PHACTR1: variants seen among roughly 807,000 people sequenced by gnomAD.
PHACTR1 encodes RPEL repeat containing 1.
In PHACTR1, 16 loss-of-function variants were observed where a neutral mutation model predicts 69.2. That is an observed-to-expected ratio of 0.23 (90% CI 0.16 to 0.35). The LOEUF is 0.35. Among genes scored for constraint, PHACTR1 ranks in the 10% least tolerant of loss-of-function variants. The probability of loss-of-function intolerance (pLI) is 1.00; values close to 1 mark genes in which losing one functional copy is unlikely to be tolerated. For synonymous variants in PHACTR1, 312 were observed against 284.5 expected, an observed-to-expected ratio of 1.10 and a Z score of -0.97; for missense variants, 510 against 734.7, an observed-to-expected ratio of 0.69 and a Z score of 3.54.
At chr6:13,098,823 T>C (rs971727925) in intron 5 of PHACTR1, among the ~76,000 whole-genome samples, 10 of 152,204 alleles carry the variant, frequency 6.6e-5, no homozygotes, top group African/African-American at 9.6e-5. Flanking sequence ...TCCTAGGCTA[T>C]CCAATAAGAT....
At chr6:12,962,103 T>G (rs375548756) in intron 4 of PHACTR1, among the ~76,000 whole-genome samples, 2 of 152,058 alleles carry the variant, frequency 1.3e-5, no homozygotes, top group East Asian at 1.9e-4. Context: ...AATTTCTTTA[T>G]TTTTTAATTT....
intron 6 of PHACTR1, among the ~76,000 whole-genome samples, chr6:13,180,298 C>T (rs1363419450): frequency 6.6e-6 from 1 of 152,118 alleles, no homozygotes; most frequent in Admixed American, 6.5e-5. Flanking sequence ...CAGTGGAGTT[C>T]CCAAGCTTAT....
chr6:13,109,880 G>A (rs1816766952), intron 5 of PHACTR1, among the ~76,000 whole-genome samples: 1 of 146,568 alleles, frequency 6.8e-6, no homozygotes, highest in Admixed American at 6.8e-5. Flanking sequence ...GTTTCAGTTT[G>A]GATAGTTTCT....
Position 13,283,317 on chromosome 6 carries a change from C to G in PHACTR1, c.1510-105C>G. On this transcript the variant is annotated intron_variant, in intron 12 of 14. Coordinates refer to ENST00000332995, the MANE Select transcript of PHACTR1 (RefSeq NM_030948.6). This position sits in a 1 kb window ranked among gnomAD's most constrained non-coding sequence, Gnocchi z 4.7. Reference sequence around the variant, plus strand: ...CTCACTCACTATGCGATGCATCCATCGCCTCACTGAACCTTATTTTCCACA... The same window carrying G: ...CTCACTCACTATGCGATGCATCCATGGCCTCACTGAACCTTATTTTCCACA... 2 of 987,338 alleles carry G rather than the reference C, an allele frequency of 2.0e-6. No individual in the cohort carries two copies. The highest frequency in any genetic ancestry group is 2.8e-6 in the Non-Finnish European group (2 of 707,828). The allele number at this position is 987,338 out of a possible 1,614,324, so 61.2% of individuals were successfully genotyped here. A position where few individuals can be genotyped will look rare whatever the true frequency, so the allele number is the denominator to read the frequency against.
In PHACTR1 at chr6:13,041,915, C is replaced by T. The variant is rs1041801576; in HGVS notation, c.251-11450C>T. ...CAAATCCCTTGACTCCTCTGTGTCT[C>T]GGTTCCTTTAACTATAGAATGGTAC... On this transcript the variant is annotated intron_variant, in intron 4 of 14. Transcript: ENST00000332995. Among the ~76,000 whole-genome samples, 6 of 152,238 alleles carry T rather than the reference C, an allele frequency of 3.9e-5. No homozygotes were observed. In the East Asian group the frequency reaches 7.7e-4, roughly 20 times the overall value.
intron 4 of PHACTR1, among the ~76,000 whole-genome samples, chr6:12,990,418 G>A (rs943434152): frequency 1.3e-5 from 2 of 152,094 alleles, no homozygotes; most frequent in African/African-American, 4.8e-5. Context: ...TCTGGGACCA[G>A]CCGACCACTT....
At chr6:13,072,583 G>A (rs555937637) in intron 5 of PHACTR1, among the ~76,000 whole-genome samples, 5 of 152,178 alleles carry the variant, frequency 3.3e-5, no homozygotes, top group African/African-American at 1.2e-4. Flanking sequence ...TTATGTCATA[G>A]TAGAAACTCT....
intron 10 of PHACTR1, among the ~76,000 whole-genome samples, chr6:13,265,341 C>T (rs921525269): frequency 9.5e-5 from 11 of 115,274 alleles, no homozygotes; most frequent in African/African-American, 3.5e-4. Context: ...TTACTGTTAA[C>T]GAAAAGATTG....
chr6:12,904,732 G>C (rs191641999), intron 4 of PHACTR1, among the ~76,000 whole-genome samples: 10 of 152,198 alleles, frequency 6.6e-5, no homozygotes, highest in Admixed American at 6.5e-5. Context: ...ACTCAGTCTA[G>C]CACAATCAGA....
intron 4 of PHACTR1, among the ~76,000 whole-genome samples, chr6:13,031,624 AG>A (rs34818167): frequency 0.53 from 80,205 of 152,042 alleles, 21,954 homozygotes; most frequent in East Asian, 0.83. Context: ...TAGGTGCATG[AG>A]GGGGGTATTG....
chr6:12,895,665 C>T (rs1008073758), intron 4 of PHACTR1, among the ~76,000 whole-genome samples: 1 of 152,208 alleles, frequency 6.6e-6, no homozygotes, highest in Non-Finnish European at 1.5e-5. Flanking sequence ...CGGAGGATTG[C>T]ATACTCCACA....
chr6:13,202,098 A>G (rs1476978559), intron 7 of PHACTR1, among the ~76,000 whole-genome samples: 2 of 152,256 alleles, frequency 1.3e-5, no homozygotes, highest in African/African-American at 2.4e-5. Context: ...CTTTCCTGGA[A>G]CAGTAAGAAC....
chr6:13,243,785 C>G (rs1019704377), intron 10 of PHACTR1, among the ~76,000 whole-genome samples: 1 of 152,144 alleles, frequency 6.6e-6, no homozygotes, highest in African/African-American at 2.4e-5. Flanking sequence ...GTGCCTGTTG[C>G]TTCCTTTTTT....
At chr6:12,846,737 T>C (rs527865708) in intron 4 of PHACTR1, among the ~76,000 whole-genome samples, 1 of 152,112 alleles carries the variant, frequency 6.6e-6, no homozygotes, top group Non-Finnish European at 1.5e-5. Flanking sequence ...TTTTTTTTTT[T>C]TGTGGCCTTA....
At chr6:13,233,752 A>T (rs548939687) in intron 10 of PHACTR1, among the ~76,000 whole-genome samples, 1 of 152,314 alleles carries the variant, frequency 6.6e-6, no homozygotes, top group South Asian at 2.1e-4. Flanking sequence ...GGGACACAGA[A>T]CCAAACCTTA....
intron 4 of PHACTR1, among the ~76,000 whole-genome samples, chr6:12,841,009 C>T (rs1537334): frequency 1.3e-5 from 2 of 152,054 alleles, no homozygotes; most frequent in Admixed American, 6.6e-5. Flanking sequence ...ATGGAACTCA[C>T]GAAAGTGGCA....
At chr6:13,185,032 G>GCAGT (rs1291279631) in intron 7 of PHACTR1, 1 of 1,333,014 alleles carries the variant, frequency 7.5e-7, no homozygotes, top group African/African-American at 1.5e-5. Flanking sequence ...TCTGGGGCAA[G>GCAGT]CAGTCCCTCC....
At chr6:13,216,498 G>A (rs1166704360) in intron 8 of PHACTR1, among the ~76,000 whole-genome samples, 1 of 151,560 alleles carries the variant, frequency 6.6e-6, no homozygotes, top group East Asian at 1.9e-4. Flanking sequence ...TTGCTTTGTA[G>A]TTCCGTGTTT....
chr6:13,196,945 C>T (rs1266650848), intron 7 of PHACTR1, among the ~76,000 whole-genome samples: 3 of 152,164 alleles, frequency 2.0e-5, no homozygotes, highest in East Asian at 1.9e-4. Flanking sequence ...ATATTAAACA[C>T]TCTCTGTTGT....
Sources: gnomAD v4.1 joint callset for allele counts (sites outside exome capture counted in the v4.1 genomes callset) on GRCh38, gnomAD v4.1.1 for gene constraint, Gnocchi (gnomAD v3.1) non-coding constraint, MANE v1.5 for transcripts, NCBI Gene and HGNC (gene_info 2026-07-23, HGNC 2026-07-21) for gene names.